The following PHF14 variants were observed in gnomAD, a reference collection of about 807,000 sequenced individuals.
The protein encoded by PHF14 is PHD finger protein 14.
PHF14 carries 55 observed loss-of-function variants against 117.9 expected under a neutral mutation model. The ratio of observed to expected loss-of-function variants is 0.47; its 90% CI spans 0.38 to 0.58. The LOEUF (loss-of-function observed/expected upper bound fraction) is 0.58, where lower values mean the gene tolerates loss of function less well. Ranked by LOEUF, PHF14 falls within the 20% of genes least tolerant of loss-of-function variation. The pLI, the probability that PHF14 is intolerant of heterozygous loss-of-function variation, is 0.00. For missense variants in PHF14, 978 were observed against 1,122.2 expected (o/e 0.87, Z 1.84); for synonymous variants, 409 against 368.6 (o/e 1.11, Z -1.26).
chr7:11,124,717 G>C (rs1054810167), intron 17 of PHF14, among the ~76,000 whole-genome samples: 2 of 151,990 alleles, frequency 1.3e-5, no homozygotes, highest in Non-Finnish European at 2.9e-5. Flanking sequence ...TCTAGAGCCT[G>C]TGTTTTAGAA....
intron 12 of PHF14, among the ~76,000 whole-genome samples, 160 bp from the exon 13 acceptor site, chr7:11,042,523 T>C (rs1290421418): frequency 6.6e-6 from 1 of 151,998 alleles, no homozygotes; most frequent in Non-Finnish European, 1.5e-5. Flanking sequence ...GTTACTGACA[T>C]TGTAAAAAGA....
At chr7:11,038,948 C>A in intron 11 of PHF14, 93 bp downstream of exon 11, 1 of 520,206 alleles carries the variant, frequency 1.9e-6, no homozygotes, top group Non-Finnish European at 3.4e-6. Context: ...ATTTGACTAA[C>A]CGAAGAATTC....
At chr7:11,086,958 G>A (rs947026465) in intron 16 of PHF14, among the ~76,000 whole-genome samples, 8 of 151,994 alleles carry the variant, frequency 5.3e-5, no homozygotes, top group Non-Finnish European at 1.2e-4. Context: ...CTAAAAATAT[G>A]TATGTACTAT....
At chr7:11,083,889 G>C (rs564561897) in intron 16 of PHF14, among the ~76,000 whole-genome samples, 23 of 152,310 alleles carry the variant, frequency 1.5e-4, no homozygotes, top group African/African-American at 5.3e-4. Context: ...TTTAAGCTAG[G>C]AGAAAATAAA....
chr7:11,081,725 A>T (rs1211030864), intron 16 of PHF14, among the ~76,000 whole-genome samples: 1 of 151,958 alleles, frequency 6.6e-6, no homozygotes, highest in Non-Finnish European at 1.5e-5. Context: ...GTGTGGTGGC[A>T]CGTGCCTGTA....
intron 4 of PHF14, among the ~76,000 whole-genome samples, chr7:11,011,660 A>G (rs1358966272): frequency 2.6e-5 from 4 of 152,212 alleles, no homozygotes; most frequent in Non-Finnish European, 5.9e-5. Context: ...TAAAGGTGAT[A>G]CTTCAGGACA....
chr7:11,025,101 T>C (rs1783863441), intron 6 of PHF14, among the ~76,000 whole-genome samples: 1 of 152,086 alleles, frequency 6.6e-6, no homozygotes, highest in Non-Finnish European at 1.5e-5. Context: ...TTTGAAGGGG[T>C]TGAAGAATTC....
At chr7:11,089,801 A>C (rs1786572931) in intron 16 of PHF14, among the ~76,000 whole-genome samples, 2 of 111,416 alleles carry the variant, frequency 1.8e-5, no homozygotes, top group Admixed American at 1.2e-4. Flanking sequence ...ACGGAGTTTC[A>C]CTCTTGTTGC....
Position 11,036,695 on chromosome 7 carries a change from A to G in PHF14, c.1873+7A>G, listed in dbSNP as rs780420531. ...TTTGTGAATTATTATTTTGGTCAGT[A>G]TAGACACTGGTACATGCACATTTTC... On this transcript the variant is annotated splice_region_variant and intron_variant, in intron 9 of 17. Transcript: ENST00000634607. The G allele has an allele frequency of 8.7e-6, 14 of 1,609,486 alleles. No individual in the cohort carries two copies. In the African/African-American group the frequency reaches 1.2e-4, roughly 14 times the overall value.
At chr7:10,991,339 G>A (rs1269378600) in intron 4 of PHF14, among the ~76,000 whole-genome samples, 1 of 152,094 alleles carries the variant, frequency 6.6e-6, no homozygotes. Context: ...CACCATGCCT[G>A]GCTAATTTTT....
intron 17 of PHF14, among the ~76,000 whole-genome samples, chr7:11,145,699 T>TGTA: frequency 6.6e-6 from 1 of 152,228 alleles, no homozygotes; most frequent in South Asian, 2.1e-4. Flanking sequence ...ATGCTTTGTT[T>TGTA]GTACCACAAG....
intron 4 of PHF14, among the ~76,000 whole-genome samples, chr7:11,011,458 C>T (rs73678561): frequency 0.033 from 5,008 of 152,228 alleles, 266 homozygotes; most frequent in East Asian, 0.1. Context: ...ATGTTTCTCA[C>T]TGTGGCTTAT....
chr7:11,037,026 G>A lies in PHF14; in HGVS notation c.1915G>A (p.Glu639Lys). ...RMIQIQENMA[E>K]QKNIKDKLEN... Reference sequence around the variant, plus strand: ...GATTCAAATTCAGGAAAATATGGCTGAACAAAAGAATATAAAAGATAAATT... The same window carrying A: ...GATTCAAATTCAGGAAAATATGGCTAAACAAAAGAATATAAAAGATAAATT... The change falls in exon 10 of 18, where the codon GAA becomes AAA. Residue 639 changes from glutamate (E) to lysine (K), a missense_variant. Coordinates refer to ENST00000634607, the MANE Select transcript of PHF14 (RefSeq NM_001007157.2). 1 of 1,515,660 alleles carries A rather than the reference G, an allele frequency of 6.6e-7. No individual in the cohort carries two copies. Among genetic ancestry groups the A allele is most frequent in the Non-Finnish European group, 9.0e-7 (1 of 1,107,158 alleles). 93.9% of individuals were successfully genotyped at this position (1,515,660 alleles called of 1,614,324 possible).
intron 16 of PHF14, among the ~76,000 whole-genome samples, chr7:11,070,918 C>A (rs1785595292): frequency 6.6e-6 from 1 of 152,120 alleles, no homozygotes; most frequent in Admixed American, 6.5e-5. Context: ...AGGGACATTT[C>A]TTTACATAGT....
chr7:11,068,269 T>C (rs1180223766), intron 16 of PHF14, among the ~76,000 whole-genome samples: 2 of 138,292 alleles, frequency 1.4e-5, no homozygotes, highest in Non-Finnish European at 3.0e-5. Flanking sequence ...GAGAATGGCA[T>C]GAACCCGGAG....
rs1783436292 is a variant in PHF14 at position 11,013,893 on chromosome 7, A to G, written c.1192A>G (p.Thr398Ala). 6.2e-7 allele frequency: 1 copy of G among 1,601,806 alleles called. No individual in the cohort carries two copies. The highest frequency in any genetic ancestry group is 8.5e-7 in the Non-Finnish European group (1 of 1,171,088). ...TAATCAGGATGGAATTTTCAAGGAGACAGATGCTGGAAGGTTAATGTCCTA... is the reference window on the plus strand; with the variant it reads ...TAATCAGGATGGAATTTTCAAGGAGGCAGATGCTGGAAGGTTAATGTCCTA... ...CPNQDGIFKE[T>A]DAGRWVHIVC... Residue 398 changes from threonine to alanine, a missense_variant, in exon 5 of 18, where the codon ACA (threonine) becomes GCA (alanine). Around this residue, in one of 7 missense-constraint regions of PHF14, gnomAD observed 86 missense variants for 137.8 expected, o/e 0.62. Transcript: ENST00000634607.
chr7:11,141,368 C>T (rs1788391684), intron 17 of PHF14, among the ~76,000 whole-genome samples: 2 of 151,988 alleles, frequency 1.3e-5, no homozygotes, highest in African/African-American at 4.8e-5. Flanking sequence ...AGGACTTTGA[C>T]TTTCTGTCTC....
chr7:11,140,904 G>A (rs1788380806), intron 17 of PHF14, among the ~76,000 whole-genome samples: 1 of 152,058 alleles, frequency 6.6e-6, no homozygotes, highest in Non-Finnish European at 1.5e-5. Context: ...TCATGTAAAT[G>A]TCCAAAAACC....
chr7:11,132,768 A>G (rs1484716023), intron 17 of PHF14, among the ~76,000 whole-genome samples: 1 of 151,792 alleles, frequency 6.6e-6, no homozygotes, highest in Non-Finnish European at 1.5e-5. Context: ...AACATTTGTT[A>G]TCTTTTGACT....
Sources: gnomAD v4.1 joint callset for allele counts (sites outside exome capture counted in the v4.1 genomes callset) on GRCh38, gnomAD v4.1.1 for gene constraint, gnomAD v4.1.1 regional missense constraint, MANE v1.5 for transcripts, NCBI Gene and HGNC (gene_info 2026-07-23, HGNC 2026-07-21) for gene names.